The following NUP98 variants were observed in gnomAD, a reference collection of about 807,000 sequenced individuals.
NUP98 encodes nucleoporin 98 and 96 precursor.
NUP98 carries 26 observed loss-of-function variants against 191.9 expected under a neutral mutation model. The observed-to-expected ratio is 0.14, with a 90% confidence interval of 0.10 to 0.19. The LOEUF (loss-of-function observed/expected upper bound fraction) is 0.19. Among genes scored for constraint, NUP98 ranks in the 10% least tolerant of loss-of-function variants. The pLI is 1.00. For missense variants in NUP98, 1,941 were observed against 2,178.8 expected (o/e 0.89, Z 2.17); for synonymous variants, 808 against 778.4 (o/e 1.04, Z -0.63).
chr11:3,753,488 A>C, intron 10 of NUP98, 80 bp from the exon 11 acceptor site: 1 of 1,074,044 alleles, frequency 9.3e-7, no homozygotes, highest in East Asian at 2.4e-5. Flanking sequence ...AACACAAAGC[A>C]GTCTGACTTT....
At chr11:3,699,595 G>A (rs986555440) in intron 24 of NUP98, among the ~76,000 whole-genome samples, 11 of 152,118 alleles carry the variant, frequency 7.2e-5, no homozygotes, top group Non-Finnish European at 1.3e-4. Context: ...AAATGTAACC[G>A]TTAAACAGGT....
intron 12 of NUP98, among the ~76,000 whole-genome samples, chr11:3,738,831 C>T (rs1331504654): frequency 1.4e-5 from 2 of 146,326 alleles, no homozygotes; most frequent in East Asian, 4.0e-4. Context: ...ACATACTAGA[C>T]TGGTTTTGCT....
At chr11:3,690,360 C>T (rs1405599819) in intron 28 of NUP98, among the ~76,000 whole-genome samples, 2 of 151,728 alleles carry the variant, frequency 1.3e-5, no homozygotes, top group Non-Finnish European at 2.9e-5. Context: ...CCCGGGTTCA[C>T]GCCATTCCCC....
At chr11:3,735,833 CTGTG>C (rs76254248) in intron 12 of NUP98, among the ~76,000 whole-genome samples, 7,594 of 138,364 alleles carry the variant, frequency 0.055, 253 homozygotes, top group Middle Eastern at 0.12. Context: ...AGGGCAAATA[CTGTG>C]TGTGTGTGTG....
chr11:3,684,975 C>T (rs553171953), intron 29 of NUP98, among the ~76,000 whole-genome samples: 29 of 139,438 alleles, frequency 2.1e-4, no homozygotes, highest in Non-Finnish European at 2.5e-4. Context: ...AAGTTGGAAA[C>T]CTCACTCTGC....
intron 18 of NUP98, among the ~76,000 whole-genome samples, chr11:3,718,782 A>G (rs1465160950): frequency 1.3e-5 from 2 of 152,204 alleles, no homozygotes; most frequent in Non-Finnish European, 2.9e-5. Context: ...GAATAAAGCA[A>G]AATACTATTA....
chr11:3,693,487 G>T, intron 26 of NUP98, 112 bp from the exon 27 acceptor site: 1 of 1,061,040 alleles, frequency 9.4e-7, no homozygotes, highest in Non-Finnish European at 1.4e-6. Context: ...AAATGATTCA[G>T]ATATAAAATA....
At chr11:3,751,118 G>C (rs1360582939) in intron 11 of NUP98, among the ~76,000 whole-genome samples, 1 of 152,116 alleles carries the variant, frequency 6.6e-6, no homozygotes, top group African/African-American at 2.4e-5. Context: ...CAGCACTTTG[G>C]GAGGCCGAGG....
At chr11:3,679,454 C>G in intron 31 of NUP98, 100 bp downstream of exon 31, 1 of 1,312,242 alleles carries the variant, frequency 7.6e-7, no homozygotes, top group Non-Finnish European at 1.1e-6. Flanking sequence ...CTATCTCTGT[C>G]AGTGCATTCT....
intron 2 of NUP98, among the ~76,000 whole-genome samples, chr11:3,780,195 G>A (rs1452507355): frequency 6.6e-6 from 1 of 151,770 alleles, no homozygotes; most frequent in African/African-American, 2.4e-5. Context: ...CATGGACGTA[G>A]AATTCTTTAA....
rs964762383 is a variant in NUP98 at position 3,712,796 on chromosome 11, C to A, written c.2578-68G>T. 2.7e-6 allele frequency: 4 copies of A among 1,501,950 alleles called. No individual in the cohort carries two copies. In the African/African-American group the frequency reaches 5.6e-5, roughly 21 times the overall value. 93.0% of individuals were successfully genotyped at this position (1,501,950 alleles called of 1,614,324 possible). ...CTTTCCCAATACCTGCCTTTGCAAT[C>A]TTGCAGCATTACCTTAAGAAAAAAG... On this transcript the variant is annotated intron_variant, in intron 19 of 32. Transcript: ENST00000324932.
rs143323692 is a variant in NUP98 at position 3,691,010 on chromosome 11, TCTGA to T, written c.4454+333_4454+336del. Among the ~76,000 whole-genome samples the T allele has an allele frequency of 5.4e-3, 819 of 152,322 alleles. 5 individuals carry two copies. The highest frequency in any genetic ancestry group is 0.019 in the African/African-American group (783 of 41,570). On this transcript the variant is annotated intron_variant, in intron 28 of 32. Coordinates refer to ENST00000324932, the MANE Select transcript of NUP98 (RefSeq NM_016320.5). ...GTAACAAAAAACTAGTCAATAGGTA[TCTGA>T]CTGATTGCAAAGGGGCACACAGGCA...
chr11:3,707,619 G>A (rs758089922), intron 20 of NUP98, among the ~76,000 whole-genome samples: 2 of 150,742 alleles, frequency 1.3e-5, no homozygotes, highest in South Asian at 2.1e-4. Flanking sequence ...GTAGTGGCAT[G>A]TGCCTGGGAT....
At chr11:3,738,564 G>C (rs1471638715) in intron 12 of NUP98, among the ~76,000 whole-genome samples, 2 of 152,012 alleles carry the variant, frequency 1.3e-5, no homozygotes, top group African/African-American at 4.8e-5. Flanking sequence ...GATTACTTCA[G>C]GTCAGGACTT....
chr11:3,724,846 T>C, intron 15 of NUP98, among the ~76,000 whole-genome samples: 1 of 144,624 alleles, frequency 6.9e-6, no homozygotes, highest in East Asian at 2.0e-4. Context: ...GGGTGTCAAA[T>C]ACATGCTAAC....
At chr11:3,753,928 GAC>G (rs2134449426) in intron 10 of NUP98, among the ~76,000 whole-genome samples, 1 of 151,012 alleles carries the variant, frequency 6.6e-6, no homozygotes, top group East Asian at 2.0e-4. Flanking sequence ...AACAGAGCAG[GAC>G]TCTGTCTCGA....
rs746613073 is a variant in NUP98 at position 3,720,692 on chromosome 11, A to C, written c.2260+20T>G. 1.6e-6 allele frequency: 2 copies of C among 1,277,546 alleles called. No individual in the cohort carries two copies. Among genetic ancestry groups the C allele is most frequent in the Non-Finnish European group, 2.3e-6 (2 of 884,670 alleles). The allele number at this position is 1,277,546 out of a possible 1,614,324, so 79.1% of individuals were successfully genotyped here. ...GTGCAACTCTCTGGCTTAATCACTAAGTGCTAAACTCACACTTACCTTTCC... is the reference window on the plus strand; with the variant it reads ...GTGCAACTCTCTGGCTTAATCACTACGTGCTAAACTCACACTTACCTTTCC... On this transcript the variant is annotated intron_variant, in intron 17 of 32. Coordinates refer to ENST00000324932, the MANE Select transcript of NUP98 (RefSeq NM_016320.5).
At chr11:3,684,506 T>C (rs553918866) in intron 29 of NUP98, among the ~76,000 whole-genome samples, 3 of 152,258 alleles carry the variant, frequency 2.0e-5, no homozygotes, top group African/African-American at 4.8e-5. Flanking sequence ...TGCTTCTCCA[T>C]AGTCAACTCC....
intron 23 of NUP98, among the ~76,000 whole-genome samples, chr11:3,701,189 G>A (rs1473579941): frequency 6.6e-6 from 1 of 151,474 alleles, no homozygotes; most frequent in Non-Finnish European, 1.5e-5. Flanking sequence ...ATGAGGCTAA[G>A]CTTCTAGATA....
Sources: gnomAD v4.1 joint callset for allele counts (sites outside exome capture counted in the v4.1 genomes callset) on GRCh38, gnomAD v4.1.1 for gene constraint, MANE v1.5 for transcripts, NCBI Gene and HGNC (gene_info 2026-07-23, HGNC 2026-07-21) for gene names.